The following ATRNL1 variants were observed in gnomAD, a reference collection of about 807,000 sequenced individuals.
ATRNL1 encodes attractin like 1, also known as attractin-like protein 1.
Under a neutral mutation model 182.7 loss-of-function variants are expected in ATRNL1, and 95 were observed. The ratio of observed to expected loss-of-function variants is 0.52; its 90% confidence interval spans 0.44 to 0.62. The LOEUF is 0.62. ATRNL1 is among the 20% of genes least tolerant of loss of function. ATRNL1 has a pLI of 0.00. For missense variants in ATRNL1, 1,471 were observed against 1,679.5 expected (o/e 0.88, Z 2.17); for synonymous variants, 576 against 568.3 (o/e 1.01, Z -0.19).
intron 24 of ATRNL1, among the ~76,000 whole-genome samples, chr10:115,505,271 T>A (rs1554981031): frequency 1.4e-5 from 1 of 72,648 alleles, no homozygotes; most frequent in African/African-American, 6.7e-5. Context: ...ATAATCATGA[T>A]CTTAGACTAG....
chr10:115,604,791 T>C (rs1157117675), intron 26 of ATRNL1, among the ~76,000 whole-genome samples: 4 of 152,164 alleles, frequency 2.6e-5, no homozygotes, highest in East Asian at 3.9e-4. Context: ...AAGACTTTCA[T>C]AGATTTTCTC....
intron 19 of ATRNL1, among the ~76,000 whole-genome samples, chr10:115,364,503 C>T (rs1592527947): frequency 6.8e-6 from 1 of 147,414 alleles, no homozygotes; most frequent in Non-Finnish European, 1.5e-5. Context: ...TAATTGAATA[C>T]CCTTTATTTC....
intron 26 of ATRNL1, among the ~76,000 whole-genome samples, chr10:115,570,932 G>A (rs1854353327): frequency 6.6e-6 from 1 of 152,144 alleles, no homozygotes; most frequent in Non-Finnish European, 1.5e-5. Context: ...GACATCCCGA[G>A]CAACCCAAGC....
At chr10:115,930,185 A>G (rs1953351605) in intron 28 of ATRNL1, among the ~76,000 whole-genome samples, 1 of 152,148 alleles carries the variant, frequency 6.6e-6, no homozygotes, top group Non-Finnish European at 1.5e-5. Flanking sequence ...TCTTCTAAGC[A>G]GGCCTTTTCC....
At chr10:115,706,977 C>A (rs913359084) in intron 26 of ATRNL1, among the ~76,000 whole-genome samples, 24 of 151,806 alleles carry the variant, frequency 1.6e-4, no homozygotes, top group African/African-American at 5.8e-4. Context: ...TAATTTCTTA[C>A]AAATTCTAAA....
chr10:115,804,424 G>C (rs946071997), intron 27 of ATRNL1, among the ~76,000 whole-genome samples: 1 of 152,054 alleles, frequency 6.6e-6, no homozygotes, highest in Admixed American at 6.6e-5. Context: ...CTCATAAATG[G>C]CATTAGTGCC....
intron 5 of ATRNL1, among the ~76,000 whole-genome samples, chr10:115,156,253 G>T (rs1846513492): frequency 6.6e-6 from 1 of 152,224 alleles, no homozygotes; most frequent in Admixed American, 6.6e-5. Context: ...TTTGTGGGTT[G>T]GTTGTATGGG....
At chr10:115,282,149 A>G (rs1431244131) in intron 14 of ATRNL1, among the ~76,000 whole-genome samples, 1 of 146,320 alleles carries the variant, frequency 6.8e-6, no homozygotes, top group African/African-American at 2.5e-5. Context: ...ATAAATTTAT[A>G]TATTTATTAT....
chr10:115,853,878 T>C (rs1456845974), intron 28 of ATRNL1, among the ~76,000 whole-genome samples: 2 of 152,142 alleles, frequency 1.3e-5, no homozygotes, highest in Non-Finnish European at 2.9e-5. Context: ...TAAATATGAC[T>C]CCGTGTCAAA....
chr10:115,130,361 C>T (rs1845175848), intron 5 of ATRNL1, among the ~76,000 whole-genome samples: 1 of 151,852 alleles, frequency 6.6e-6, no homozygotes, highest in African/African-American at 2.4e-5. Context: ...AGCAATAGTT[C>T]CCAAGTTAAA....
intron 26 of ATRNL1, among the ~76,000 whole-genome samples, chr10:115,575,707 A>G (rs1030883106): frequency 7.2e-5 from 11 of 152,106 alleles, no homozygotes; most frequent in African/African-American, 2.2e-4. Context: ...ATACATATAC[A>G]TAGTGAAATG....
rs961727156 is a variant in ATRNL1, at chr10:115,946,348, T to C, written c.*1569T>C. 3.9e-5 allele frequency: 6 copies of C among 152,230 alleles called. No individual in the cohort carries two copies. The highest frequency in any genetic ancestry group is 7.2e-5 in the African/African-American group (3 of 41,460). The allele number at this position is 152,230 out of a possible 1,614,324, so 9.4% of individuals were successfully genotyped here. A position where few individuals can be genotyped will look rare whatever the true frequency, so the allele number is the denominator to read the frequency against. On this transcript the variant is annotated 3_prime_UTR_variant, in exon 29 of 29. Coordinates refer to ENST00000355044, the MANE Select transcript of ATRNL1 (RefSeq NM_207303.4). ...ATTAAGTGTTTATTTCATAATGCCA[T>C]TTATACATAGCTGAATTTGATGAGG...
intron 21 of ATRNL1, among the ~76,000 whole-genome samples, chr10:115,431,076 G>A (rs1554963835): frequency 1.3e-5 from 2 of 152,060 alleles, no homozygotes; most frequent in East Asian, 1.9e-4. Flanking sequence ...ACACACTGAC[G>A]CTCAATGTTT....
At chr10:115,664,133 T>A (rs1421586401) in intron 26 of ATRNL1, among the ~76,000 whole-genome samples, 1 of 152,174 alleles carries the variant, frequency 6.6e-6, no homozygotes, top group Non-Finnish European at 1.5e-5. Flanking sequence ...GCCAGTGTTC[T>A]CCGCTAAAGA....
Position 115,281,413 on chromosome 10 carries a change from C to G in ATRNL1, c.2159C>G (p.Thr720Ser), listed in dbSNP as rs1592374180. The change falls in exon 14 of 29, where the codon ACC becomes AGC. Residue 720 changes from threonine to serine, a missense_variant. Coordinates refer to ENST00000355044, the MANE Select transcript of ATRNL1 (RefSeq NM_207303.4). Reference sequence around the variant, plus strand: ...AATGAGCAGATTTGTAACAAACTTACCAGCTGTAAAAGCTGTTCACTAAAC... The same window carrying G: ...AATGAGCAGATTTGTAACAAACTTAGCAGCTGTAAAAGCTGTTCACTAAAC... ...VRNEQICNKL[T>S]SCKSCSLNLN... 1.2e-6 allele frequency: 2 copies of G among 1,613,410 alleles called. No homozygotes were observed. The highest frequency in any genetic ancestry group is 1.7e-6 in the Non-Finnish European group (2 of 1,179,580).
At chr10:115,150,174 T>C (rs1554880241) in intron 5 of ATRNL1, among the ~76,000 whole-genome samples, 1 of 152,030 alleles carries the variant, frequency 6.6e-6, no homozygotes, top group East Asian at 1.9e-4. Context: ...TGTATTTCTG[T>C]GATATCAGTT....
intron 1 of ATRNL1, among the ~76,000 whole-genome samples, chr10:115,116,635 A>T (rs1564746912): frequency 6.6e-6 from 1 of 151,942 alleles, no homozygotes; most frequent in Non-Finnish European, 1.5e-5. Context: ...GAAGAAGGAG[A>T]ATTGTTCTTT....
At chr10:115,212,135 G>A (rs1592267045) in intron 8 of ATRNL1, among the ~76,000 whole-genome samples, 1 of 151,920 alleles carries the variant, frequency 6.6e-6, no homozygotes, top group East Asian at 1.9e-4. Flanking sequence ...TCACACAGGT[G>A]TACTGAGCTC....
intron 27 of ATRNL1, among the ~76,000 whole-genome samples, chr10:115,728,830 G>GA (rs1192889610): frequency 6.6e-6 from 1 of 151,980 alleles, no homozygotes; most frequent in African/African-American, 2.4e-5. Flanking sequence ...ATTTGTTGGG[G>GA]AAAAAATAAC....
Sources: allele counts gnomAD v4.1 joint callset (sites outside exome capture counted in the v4.1 genomes callset), GRCh38; gene constraint gnomAD v4.1.1; transcripts MANE v1.5; gene names NCBI Gene and HGNC (gene_info 2026-07-23, HGNC 2026-07-21).